KLHL1: variants seen among roughly 807,000 people sequenced by gnomAD.
The protein encoded by KLHL1 is kelch like family member 1, also known as kelch-like protein 1.
In KLHL1, 47 loss-of-function variants were observed where a neutral mutation model predicts 77.7. That is an observed-to-expected ratio of 0.60 (90% CI 0.48 to 0.77). The LOEUF (loss-of-function observed/expected upper bound fraction) is 0.77, where lower values mean the gene tolerates loss of function less well. Ranked by LOEUF, KLHL1 falls within the 30% of genes least tolerant of loss-of-function variation. The pLI, the probability that KLHL1 is intolerant of heterozygous loss-of-function variation, is 0.00. For synonymous variants in KLHL1, 360 were observed against 325.2 expected, an observed-to-expected ratio of 1.11 and a Z score of -1.15; for missense variants, 925 against 910.8, an observed-to-expected ratio of 1.02 and a Z score of -0.20.
chr13:70,060,718 C>T (rs189911708), intron 1 of KLHL1, among the ~76,000 whole-genome samples: 89 of 151,916 alleles, frequency 5.9e-4, no homozygotes, highest in Non-Finnish European at 1.0e-3. Context: ...TGGTGGTATG[C>T]GCCTGTAATC....
At chr13:69,815,240 C>T (rs4319628) in intron 6 of KLHL1, among the ~76,000 whole-genome samples, 27,330 of 152,082 alleles carry the variant, frequency 0.18, 3,128 homozygotes, top group South Asian at 0.31. Context: ...TCTACTAAAA[C>T]GACACCTGCA....
chr13:69,969,601 T>C (rs996681409), intron 2 of KLHL1, among the ~76,000 whole-genome samples: 3 of 152,232 alleles, frequency 2.0e-5, no homozygotes, highest in Non-Finnish European at 2.9e-5. Context: ...CACATCTCCA[T>C]AGAGCAAAAT....
At chr13:69,901,176 G>T (rs1881841963) in intron 4 of KLHL1, among the ~76,000 whole-genome samples, 1 of 151,960 alleles carries the variant, frequency 6.6e-6, no homozygotes, top group Non-Finnish European at 1.5e-5. Context: ...AGACTTATTT[G>T]GTTAATTTAT....
chr13:69,728,794 C>A (rs568975100), intron 8 of KLHL1, among the ~76,000 whole-genome samples: 2 of 151,150 alleles, frequency 1.3e-5, no homozygotes, highest in Non-Finnish European at 2.9e-5. Flanking sequence ...GGTGACAGAG[C>A]GAGACTCCAT....
At chr13:70,062,697 C>G (rs1325709561) in intron 1 of KLHL1, among the ~76,000 whole-genome samples, 1 of 152,038 alleles carries the variant, frequency 6.6e-6, no homozygotes, top group Non-Finnish European at 1.5e-5. Context: ...TATAATCAGA[C>G]TTTTATCTGC....
At chr13:69,870,866 C>A (rs1244066219) in intron 5 of KLHL1, among the ~76,000 whole-genome samples, 1 of 151,870 alleles carries the variant, frequency 6.6e-6, no homozygotes, top group African/African-American at 2.4e-5. Context: ...CTCTCATGGT[C>A]TTGTGGTTTT....
chr13:70,055,754 A>G (rs1412484555), intron 1 of KLHL1, among the ~76,000 whole-genome samples: 1 of 152,094 alleles, frequency 6.6e-6, no homozygotes, highest in Non-Finnish European at 1.5e-5. Flanking sequence ...ATCAGTTTAA[A>G]ATGGAGTATA....
At chr13:69,733,439 T>C (rs1451482371) in intron 8 of KLHL1, among the ~76,000 whole-genome samples, 1 of 152,110 alleles carries the variant, frequency 6.6e-6, no homozygotes, top group Non-Finnish European at 1.5e-5. Flanking sequence ...TACTGGAAAG[T>C]AATAATAATA....
chr13:70,082,230 A>G (rs952648789), intron 1 of KLHL1, among the ~76,000 whole-genome samples: 2 of 151,518 alleles, frequency 1.3e-5, no homozygotes, highest in African/African-American at 2.4e-5. Context: ...CCCAGTTTCA[A>G]GTATTTCTTT....
At chr13:70,063,045 G>T (rs1318878120) in intron 1 of KLHL1, among the ~76,000 whole-genome samples, 2 of 151,962 alleles carry the variant, frequency 1.3e-5, no homozygotes, top group African/African-American at 4.8e-5. Flanking sequence ...ACCTAGGACG[G>T]TTAAATTTGG....
rs1440199058 is a variant in KLHL1 at position 70,108,264 on chromosome 13, G to A, written c.-565C>T. On this transcript the variant is annotated 5_prime_UTR_variant, in exon 1 of 11. Coordinates refer to ENST00000377844, the MANE Select transcript of KLHL1 (RefSeq NM_020866.3). ...GATCTCTTGGTGCACCTGCGCCCCT[G>A]TCCCTGGCCTTTTCGAGGATGCCCC... 7 of 381,288 alleles carry A rather than the reference G, an allele frequency of 1.8e-5. No individual in the cohort carries two copies. Among genetic ancestry groups the A allele is most frequent in the Non-Finnish European group, 9.3e-6 (2 of 215,936 alleles). The allele number at this position is 381,288 out of a possible 1,614,324, so 23.6% of individuals were successfully genotyped here.
At position 69,828,317 on chromosome 13, in the gene KLHL1, C is replaced by G. The variant is rs571975733; in HGVS notation, c.1414+10659G>C. Among the ~76,000 whole-genome samples, 241 of 150,098 alleles carry G rather than the reference C, an allele frequency of 1.6e-3. 7 individuals carry two copies. Among genetic ancestry groups the G allele is most frequent in the Non-Finnish European group, 3.1e-3 (212 of 67,780 alleles). Reference sequence around the variant, plus strand: ...AGGAAGTATTTAACCTTATCTAGAGCTGAAACAAATGTAGAGAGCCAAGTG... The same window carrying G: ...AGGAAGTATTTAACCTTATCTAGAGGTGAAACAAATGTAGAGAGCCAAGTG... On this transcript the variant is annotated intron_variant, in intron 6 of 10. Coordinates refer to ENST00000377844, the MANE Select transcript of KLHL1 (RefSeq NM_020866.3).
intron 7 of KLHL1, among the ~76,000 whole-genome samples, chr13:69,782,982 G>GCA (rs1300839062): frequency 2.0e-5 from 3 of 152,174 alleles, no homozygotes; most frequent in African/African-American, 7.2e-5. Flanking sequence ...GAACGATCAG[G>GCA]CAGCAGCATT....
intron 5 of KLHL1, among the ~76,000 whole-genome samples, chr13:69,845,779 A>G (rs1332667746): frequency 6.6e-6 from 1 of 151,488 alleles, no homozygotes; most frequent in Non-Finnish European, 1.5e-5. Flanking sequence ...GTGGAGCATC[A>G]AGGTAAAACA....
chr13:70,024,843 C>T (rs1043031046), intron 1 of KLHL1, among the ~76,000 whole-genome samples: 3 of 151,872 alleles, frequency 2.0e-5, no homozygotes, highest in Non-Finnish European at 4.4e-5. Context: ...GATAGTACAA[C>T]ATTTTTAGTA....
chr13:69,980,672 G>GT (rs958734687), intron 1 of KLHL1, among the ~76,000 whole-genome samples: 1 of 151,880 alleles, frequency 6.6e-6, no homozygotes. Context: ...TCAGCGAATT[G>GT]TTTTTTATTT....
At chr13:69,772,139 T>G (rs1395413285) in intron 7 of KLHL1, among the ~76,000 whole-genome samples, 1 of 151,786 alleles carries the variant, frequency 6.6e-6, no homozygotes, top group Non-Finnish European at 1.5e-5. Flanking sequence ...TTTAATAGAG[T>G]TGGGGTTTCA....
intron 1 of KLHL1, 50 bp downstream of exon 1, chr13:70,107,153 A>T: frequency 6.5e-7 from 1 of 1,534,888 alleles, no homozygotes; most frequent in Non-Finnish European, 8.8e-7. Context: ...ACGCGGTGAA[A>T]TGAGTGGAAA....
At chr13:70,101,341 C>T (rs564057925) in intron 1 of KLHL1, among the ~76,000 whole-genome samples, 56 of 151,878 alleles carry the variant, frequency 3.7e-4, no homozygotes, top group Non-Finnish European at 5.9e-4. Context: ...ATAAGTACAT[C>T]GTAGTATAAA....
Sources: gnomAD v4.1 joint callset for allele counts (sites outside exome capture counted in the v4.1 genomes callset) on GRCh38, gnomAD v4.1.1 for gene constraint, MANE v1.5 for transcripts, NCBI Gene and HGNC (gene_info 2026-07-23, HGNC 2026-07-21) for gene names.